The following ABI2 variants were observed in gnomAD, a reference collection of about 807,000 sequenced individuals.
ABI2 encodes abelson interactor 2.
A neutral mutation model predicts 59.2 loss-of-function variants in ABI2; 25 were observed. That is an observed-to-expected ratio of 0.42 (90% CI 0.31 to 0.59). ABI2 has a LOEUF of 0.59. Among genes scored for constraint, ABI2 ranks in the 20% least tolerant of loss-of-function variants. ABI2 has a pLI of 0.14. For synonymous variants in ABI2, 213 were observed against 235.5 expected, an observed-to-expected ratio of 0.90 and a Z score of 0.87; for missense variants, 545 against 681.8, an observed-to-expected ratio of 0.80 and a Z score of 2.23.
Position 203,394,852 on chromosome 2 carries a change from T to C in ABI2, c.725+6T>C. 1 of 1,614,006 alleles carries C rather than the reference T, an allele frequency of 6.2e-7. No individual in the cohort carries two copies. The highest frequency in any genetic ancestry group is 8.5e-7 in the Non-Finnish European group (1 of 1,179,944). On this transcript the variant is annotated splice_donor_region_variant and intron_variant, in intron 6 of 11. Transcript: ENST00000261018. Reference sequence around the variant, plus strand: ...CAAAGAAATCGAACTTACAGGTATTTTCTCTACCTCAGTGCAAAATGTGAT... The same window carrying C: ...CAAAGAAATCGAACTTACAGGTATTCTCTCTACCTCAGTGCAAAATGTGAT...
At chr2:203,331,831 A>T (rs1258612198) in intron 1 of ABI2, among the ~76,000 whole-genome samples, 2 of 143,464 alleles carry the variant, frequency 1.4e-5, no homozygotes, top group Admixed American at 7.0e-5. Context: ...TTTTTTTGAC[A>T]CAGAGTTTCA....
intron 10 of ABI2, among the ~76,000 whole-genome samples, chr2:203,412,133 A>G (rs938450542): frequency 3.3e-5 from 5 of 152,248 alleles, no homozygotes; most frequent in African/African-American, 1.2e-4. Context: ...TCCAGTGTAT[A>G]TATCTCATAA....
At chr2:203,345,716 T>C (rs1459062152) in intron 1 of ABI2, among the ~76,000 whole-genome samples, 5 of 150,982 alleles carry the variant, frequency 3.3e-5, no homozygotes, top group African/African-American at 9.7e-5. Flanking sequence ...GCCCTAATTT[T>C]TGTATTTTTA....
chr2:203,366,437 A>C (rs944963506), intron 1 of ABI2, among the ~76,000 whole-genome samples: 8 of 152,248 alleles, frequency 5.3e-5, no homozygotes, highest in Admixed American at 1.3e-4. Context: ...TTATAGGGTT[A>C]AACATTATTA....
At chr2:203,329,341 A>ATTTTT (rs11376266) in intron 1 of ABI2, 4 of 100,682 alleles carry the variant, frequency 4.0e-5, no homozygotes, top group East Asian at 3.0e-4. Flanking sequence ...TCCTGGTTTA[A>ATTTTT]TTTTTTTTTT....
chr2:203,328,901 G>T, intron 1 of ABI2: 1 of 284,818 alleles, frequency 3.5e-6, no homozygotes, highest in South Asian at 1.3e-4. Flanking sequence ...GCCCTCGGCC[G>T]CCCCCGCACT....
In ABI2 at chr2:203,428,879, A is replaced by G. The variant is rs1399106710; in HGVS notation, c.*1527A>G. On this transcript the variant is annotated 3_prime_UTR_variant, in exon 12 of 12. Transcript: ENST00000261018. ...TGCCCTGTGCTAGGTGAAAGGGGAAAAGCAGTAGCTGGATATATTTCAAAT... is the reference window on the plus strand; with the variant it reads ...TGCCCTGTGCTAGGTGAAAGGGGAAGAGCAGTAGCTGGATATATTTCAAAT... 6.6e-6 allele frequency: 1 copy of G among 152,250 alleles called. No homozygotes were observed. Among genetic ancestry groups the G allele is most frequent in the Non-Finnish European group, 1.5e-5 (1 of 68,060 alleles). 9.4% of individuals were successfully genotyped at this position (152,250 alleles called of 1,614,324 possible). A position where few individuals can be genotyped will look rare whatever the true frequency, so the allele number is the denominator to read the frequency against.
intron 1 of ABI2, among the ~76,000 whole-genome samples, chr2:203,348,796 C>T (rs1041234835): frequency 1.3e-5 from 2 of 151,516 alleles, no homozygotes; most frequent in African/African-American, 4.9e-5. Context: ...CAGAGTGGTA[C>T]ATCATTATAA....
At chr2:203,384,442 T>C (rs966066081) in intron 4 of ABI2, among the ~76,000 whole-genome samples, 1 of 151,822 alleles carries the variant, frequency 6.6e-6, no homozygotes, top group Non-Finnish European at 1.5e-5. Context: ...GAGTAGTTGG[T>C]ACTACATGTG....
chr2:203,346,677 CTT>C (rs771909823), intron 1 of ABI2, among the ~76,000 whole-genome samples: 4 of 152,138 alleles, frequency 2.6e-5, no homozygotes, highest in Non-Finnish European at 5.9e-5. Flanking sequence ...TTTCTGTTGT[CTT>C]TTAGTTAACA....
chr2:203,426,516 T>C lies in ABI2; in HGVS notation c.1454-661T>C, dbSNP rs16839798. Among the ~76,000 whole-genome samples the C allele has an allele frequency of 5.6e-3, 846 of 152,338 alleles. 10 individuals carry two copies. The highest frequency in any genetic ancestry group is 0.019 in the African/African-American group (785 of 41,576). On this transcript the variant is annotated intron_variant, in intron 11 of 11. Transcript: ENST00000261018. The stretch of plus-strand genomic sequence containing the variant: ...CAGGAGGGCTTATAGGTATCTGATT[T>C]TCTTGTCACTTTTAGTCTGTTATTA...
intron 5 of ABI2, chr2:203,394,458 A>C (rs1579023538): frequency 2.1e-6 from 1 of 468,902 alleles, no homozygotes; most frequent in Non-Finnish European, 3.8e-6. Flanking sequence ...CTTTGAGAAT[A>C]AATGAACAAA....
chr2:203,359,776 A>C (rs2093105459), intron 1 of ABI2, among the ~76,000 whole-genome samples: 1 of 152,162 alleles, frequency 6.6e-6, no homozygotes, highest in South Asian at 2.1e-4. Context: ...GGCTCTGCCT[A>C]ATCACCTCCT....
chr2:203,358,884 C>T (rs1388934643), intron 1 of ABI2, among the ~76,000 whole-genome samples: 2 of 152,102 alleles, frequency 1.3e-5, no homozygotes, highest in African/African-American at 2.4e-5. Flanking sequence ...TAATGATGCA[C>T]GTCTGTAATC....
intron 9 of ABI2, among the ~76,000 whole-genome samples, chr2:203,408,104 T>C (rs1459683281): frequency 6.6e-6 from 1 of 152,176 alleles, no homozygotes; most frequent in Non-Finnish European, 1.5e-5. Flanking sequence ...AAGTCTAACT[T>C]GTTACCAAGT....
At chr2:203,368,683 A>T (rs549561111) in intron 2 of ABI2, among the ~76,000 whole-genome samples, 2 of 152,096 alleles carry the variant, frequency 1.3e-5, no homozygotes, top group South Asian at 2.1e-4. Context: ...CAGACATATC[A>T]TTTATTGCTT....
chr2:203,345,394 C>A (rs1049940504), intron 1 of ABI2, among the ~76,000 whole-genome samples: 1 of 152,170 alleles, frequency 6.6e-6, no homozygotes, highest in Admixed American at 6.5e-5. Flanking sequence ...AGAACTGTAA[C>A]ATTCACGGCG....
At chr2:203,349,427 G>C (rs576122997) in intron 1 of ABI2, among the ~76,000 whole-genome samples, 1 of 150,802 alleles carries the variant, frequency 6.6e-6, no homozygotes, top group South Asian at 2.1e-4. Context: ...TTTTTGAGGC[G>C]GAGTTTTGCT....
At chr2:203,412,814 C>T (rs980288711) in intron 10 of ABI2, among the ~76,000 whole-genome samples, 1 of 152,100 alleles carries the variant, frequency 6.6e-6, no homozygotes, top group Non-Finnish European at 1.5e-5. Flanking sequence ...TCACTGTTGC[C>T]AGGTTTTAAA....
Sources: allele counts gnomAD v4.1 joint callset (sites outside exome capture counted in the v4.1 genomes callset), GRCh38; gene constraint gnomAD v4.1.1; transcripts MANE v1.5; gene names NCBI Gene and HGNC (gene_info 2026-07-23, HGNC 2026-07-21).